THADA: variants seen among roughly 807,000 people sequenced by gnomAD.
The protein encoded by THADA is tRNA (32-2'-O)-methyltransferase regulator THADA.
Under a neutral mutation model 219.8 loss-of-function variants are expected in THADA, and 213 were observed. The observed-to-expected ratio is 0.97, with a 90% confidence interval of 0.87 to 1.09. The LOEUF is 1.09. Among genes scored for constraint, THADA ranks in the 50% least tolerant of loss-of-function variants. THADA has a pLI of 0.00. For synonymous variants in THADA, 1,018 were observed against 828.9 expected, an observed-to-expected ratio of 1.23 and a Z score of -3.92; for missense variants, 2,956 against 2,311.3, an observed-to-expected ratio of 1.28 and a Z score of -5.72.
intron 37 of THADA, 119 bp from the exon 38 acceptor site, chr2:43,231,462 GGTGCACTCTTGCC>G (rs1667409442): frequency 9.4e-7 from 1 of 1,058,752 alleles, no homozygotes; most frequent in Admixed American, 3.2e-5. Context: ...CCTGACAGAG[GGTGCACTCTTGCC>G]TGTCAACATC....
intron 26 of THADA, among the ~76,000 whole-genome samples, chr2:43,469,173 G>A (rs1302985132): frequency 6.6e-6 from 1 of 152,242 alleles, no homozygotes; most frequent in East Asian, 1.9e-4. Flanking sequence ...AGGAGGGACA[G>A]GCACTGTAGG....
intron 8 of THADA, among the ~76,000 whole-genome samples, chr2:43,579,709 G>A (rs914937129): frequency 6.6e-6 from 1 of 152,158 alleles, no homozygotes; most frequent in African/African-American, 2.4e-5. Context: ...AAGTAAAGAC[G>A]CAACTGGCCT....
chr2:43,503,767 A>G (rs1689316310), intron 24 of THADA, among the ~76,000 whole-genome samples: 1 of 152,178 alleles, frequency 6.6e-6, no homozygotes, highest in Admixed American at 6.5e-5. Flanking sequence ...TCAGAGACAA[A>G]ATTTTTAAAT....
chr2:43,261,925 C>G (rs1440283542), intron 36 of THADA, among the ~76,000 whole-genome samples: 1 of 151,974 alleles, frequency 6.6e-6, no homozygotes, highest in Non-Finnish European at 1.5e-5. Flanking sequence ...GCATGAGCCA[C>G]CGCGCCTGGC....
intron 30 of THADA, among the ~76,000 whole-genome samples, chr2:43,329,230 CTT>C (rs990184958): frequency 6.6e-6 from 1 of 152,112 alleles, no homozygotes; most frequent in African/African-American, 2.4e-5. Flanking sequence ...TCCAAGAAAA[CTT>C]TTATTGTACA....
intron 14 of THADA, among the ~76,000 whole-genome samples, chr2:43,567,119 G>A (rs1281375281): frequency 6.7e-6 from 1 of 150,184 alleles, no homozygotes; most frequent in East Asian, 1.9e-4. Flanking sequence ...GTCTCGCTGG[G>A]TTCAACAGCC....
chr2:43,450,205 A>T (rs958061617), intron 26 of THADA, among the ~76,000 whole-genome samples: 1 of 152,210 alleles, frequency 6.6e-6, no homozygotes, highest in Non-Finnish European at 1.5e-5. Context: ...GCATATTTTT[A>T]AAAACTATTA....
chr2:43,358,607 A>C (rs1156542514), intron 29 of THADA, among the ~76,000 whole-genome samples: 1 of 152,232 alleles, frequency 6.6e-6, no homozygotes, highest in African/African-American at 2.4e-5. Context: ...AGGCTATAAA[A>C]TTTGCCTTGT....
chr2:43,514,684 T>TAAAA lies in THADA; in HGVS notation c.3375-5905_3375-5904insTTTT, dbSNP rs1558888052. On this transcript the variant is annotated intron_variant, in intron 22 of 37. Coordinates refer to ENST00000405975, the MANE Select transcript of THADA (RefSeq NM_022065.5). ...ATATAATAATATATAATATATTATA[T>TAAAA]TATATATAATATATATAATATATAT... 1.1e-3 allele frequency among the ~76,000 whole-genome samples: 91 copies of TAAAA among 84,144 alleles called. 16 individuals carry two copies. The highest frequency in any genetic ancestry group is 1.5e-3 in the African/African-American group (27 of 18,432). 55.2% of individuals were successfully genotyped at this position (84,144 alleles called of 152,430 possible). A position where few individuals can be genotyped will look rare whatever the true frequency, so the allele number is the denominator to read the frequency against.
intron 36 of THADA, among the ~76,000 whole-genome samples, chr2:43,260,342 C>A (rs184612923): frequency 3.9e-5 from 6 of 152,122 alleles, no homozygotes; most frequent in African/African-American, 1.2e-4. Context: ...TTTTTTCATG[C>A]GTGTCCTGTT....
chr2:43,590,692 A>G, intron 4 of THADA, 132 bp downstream of exon 4: 1 of 854,496 alleles, frequency 1.2e-6, no homozygotes, highest in Non-Finnish European at 1.8e-6. Flanking sequence ...AATGAAACAG[A>G]GAACAAACCA....
At chr2:43,350,590 T>A (rs1334309856) in intron 29 of THADA, among the ~76,000 whole-genome samples, 1 of 152,206 alleles carries the variant, frequency 6.6e-6, no homozygotes, top group Non-Finnish European at 1.5e-5. Flanking sequence ...AGTACCTACT[T>A]ATATCATCTG....
intron 7 of THADA, among the ~76,000 whole-genome samples, chr2:43,584,253 C>T (rs181936765): frequency 6.7e-3 from 1,023 of 152,128 alleles, no homozygotes; most frequent in Non-Finnish European, 9.9e-3. Flanking sequence ...TGTAAAACAT[C>T]CAAGCTGAGA....
At chr2:43,368,607 A>G (rs1340583612) in intron 29 of THADA, among the ~76,000 whole-genome samples, 1 of 150,512 alleles carries the variant, frequency 6.6e-6, no homozygotes, top group African/African-American at 2.5e-5. Flanking sequence ...TATGTTTCCC[A>G]GGTTGGTCTG....
chr2:43,501,651 T>G (rs1277897933), intron 24 of THADA, among the ~76,000 whole-genome samples: 2 of 151,962 alleles, frequency 1.3e-5, no homozygotes, highest in Non-Finnish European at 1.5e-5. Flanking sequence ...ATAATTAAAC[T>G]AGTGGTTTTA....
At chr2:43,233,103 A>G in intron 36 of THADA, 1 of 554,906 alleles carries the variant, frequency 1.8e-6, no homozygotes, top group South Asian at 2.4e-5. Context: ...CACTGTTTCC[A>G]TGCCCCCTAA....
chr2:43,430,766 G>A (rs1442149831), intron 26 of THADA: 2 of 352,786 alleles, frequency 5.7e-6, no homozygotes, highest in Non-Finnish European at 1.2e-5. Context: ...CACATTGTGG[G>A]ATGTTTAGCA....
intron 10 of THADA, among the ~76,000 whole-genome samples, chr2:43,576,226 T>C (rs1238771599): frequency 6.6e-6 from 1 of 152,222 alleles, no homozygotes; most frequent in Non-Finnish European, 1.5e-5. Flanking sequence ...AGCTCAAATA[T>C]GTAAAAAATT....
intron 29 of THADA, among the ~76,000 whole-genome samples, chr2:43,370,663 A>G (rs1670694029): frequency 6.6e-6 from 1 of 152,254 alleles, no homozygotes; most frequent in Admixed American, 6.5e-5. Context: ...TTACTCAAGA[A>G]GTTAATACTG....
Sources: gnomAD v4.1 joint callset for allele counts (sites outside exome capture counted in the v4.1 genomes callset) on GRCh38, gnomAD v4.1.1 for gene constraint, MANE v1.5 for transcripts, NCBI Gene and HGNC (gene_info 2026-07-23, HGNC 2026-07-21) for gene names.